Variants in SPAG16 observed in about 807,000 individuals in gnomAD.
SPAG16 encodes the protein sperm-associated antigen 16 protein.
In SPAG16, 86 loss-of-function variants were observed where a neutral mutation model predicts 80.4. The observed-to-expected ratio is 1.07, with a 90% confidence interval of 0.90 to 1.28. The LOEUF (loss-of-function observed/expected upper bound fraction) is 1.28, where lower values mean the gene tolerates loss of function less well. Ranked by LOEUF, SPAG16 falls within the 50% of genes most tolerant of loss-of-function variation. The pLI is 0.00. For missense variants in SPAG16, 870 were observed against 765.3 expected (o/e 1.14, Z -1.61); for synonymous variants, 294 against 265.9 (o/e 1.11, Z -1.03).
intron 8 of SPAG16, among the ~76,000 whole-genome samples, chr2:213,367,375 T>C (rs139239504): frequency 0.2 from 29,798 of 152,000 alleles, 3,873 homozygotes; most frequent in Non-Finnish European, 0.3. Flanking sequence ...CTGTCTTTCA[T>C]AATGGCTGAA....
intron 14 of SPAG16, among the ~76,000 whole-genome samples, chr2:214,130,689 C>T (rs1056289333): frequency 2.6e-5 from 4 of 152,114 alleles, no homozygotes; most frequent in South Asian, 2.1e-4. Flanking sequence ...CAAGTCACAT[C>T]GGCAGAAAAC....
intron 15 of SPAG16, among the ~76,000 whole-genome samples, chr2:214,245,367 C>T (rs1689765803): frequency 6.6e-6 from 1 of 152,150 alleles, no homozygotes; most frequent in East Asian, 1.9e-4. Flanking sequence ...TTCCATTAAA[C>T]TGCCTTCTGC....
chr2:214,029,808 A>G (rs982560731), intron 13 of SPAG16, among the ~76,000 whole-genome samples: 2 of 152,172 alleles, frequency 1.3e-5, no homozygotes, highest in African/African-American at 2.4e-5. Flanking sequence ...TTTTGCTCTT[A>G]ACAGCTGTAT....
At chr2:213,509,620 G>A (rs1443548057) in intron 10 of SPAG16, among the ~76,000 whole-genome samples, 4 of 151,988 alleles carry the variant, frequency 2.6e-5, no homozygotes, top group Non-Finnish European at 4.4e-5. Flanking sequence ...TGAAACCAAC[G>A]AGAACAAAGA....
chr2:213,933,539 A>T (rs748298257), intron 12 of SPAG16, among the ~76,000 whole-genome samples: 3 of 152,206 alleles, frequency 2.0e-5, no homozygotes, highest in Non-Finnish European at 4.4e-5. Context: ...GTGCCTGCTT[A>T]GCTTGTAGCT....
chr2:214,143,992 T>TA (rs962276726), intron 14 of SPAG16, among the ~76,000 whole-genome samples: 23 of 151,802 alleles, frequency 1.5e-4, no homozygotes, highest in Non-Finnish European at 2.6e-4. Flanking sequence ...ACCCTGTCTA[T>TA]AAAAAAAATT....
chr2:214,101,592 G>A (rs2053036248), intron 13 of SPAG16, among the ~76,000 whole-genome samples: 1 of 152,092 alleles, frequency 6.6e-6, no homozygotes, highest in Admixed American at 6.6e-5. Flanking sequence ...GTTAGGAGGT[G>A]CGTATCTACC....
intron 4 of SPAG16, among the ~76,000 whole-genome samples, chr2:213,313,877 G>T (rs899982623): frequency 6.6e-6 from 1 of 151,782 alleles, no homozygotes; most frequent in African/African-American, 2.4e-5. Flanking sequence ...TTTTGTCTGT[G>T]TTGGTAATGT....
At chr2:213,484,111 T>TCA (rs1287168696) in intron 9 of SPAG16, among the ~76,000 whole-genome samples, 2 of 152,086 alleles carry the variant, frequency 1.3e-5, no homozygotes, top group Admixed American at 6.6e-5. Flanking sequence ...CTTATATGAG[T>TCA]CAAAGTTAAA....
At chr2:213,336,444 T>A (rs968695599) in intron 5 of SPAG16, among the ~76,000 whole-genome samples, 1 of 152,222 alleles carries the variant, frequency 6.6e-6, no homozygotes, top group Admixed American at 6.5e-5. Flanking sequence ...TTGGAATCCC[T>A]GCCAGCCAAC....
intron 10 of SPAG16, among the ~76,000 whole-genome samples, chr2:213,590,540 A>G (rs2060649373): frequency 6.6e-6 from 1 of 152,212 alleles, no homozygotes; most frequent in African/African-American, 2.4e-5. Context: ...CAAGGAACTT[A>G]TGAAACACTA....
chr2:214,061,655 T>C (rs964306823), intron 13 of SPAG16, among the ~76,000 whole-genome samples: 2 of 152,138 alleles, frequency 1.3e-5, no homozygotes, highest in East Asian at 1.9e-4. Flanking sequence ...CAGCTACTGA[T>C]TGCATCTAAA....
chr2:213,744,223 C>T (rs2125464053), intron 10 of SPAG16, among the ~76,000 whole-genome samples: 1 of 152,178 alleles, frequency 6.6e-6, no homozygotes, highest in Non-Finnish European at 1.5e-5. Context: ...TTTTCAGCTT[C>T]CTTGGGTTGT....
At chr2:214,121,324 C>T (rs10932524) in intron 14 of SPAG16, among the ~76,000 whole-genome samples, 33,475 of 151,644 alleles carry the variant, frequency 0.22, 4,130 homozygotes, top group Non-Finnish European at 0.28. Flanking sequence ...CCAAATTCTG[C>T]GGATGCTTAG....
intron 15 of SPAG16, among the ~76,000 whole-genome samples, chr2:214,332,500 T>C (rs535710890): frequency 2.0e-5 from 3 of 152,290 alleles, no homozygotes; most frequent in Non-Finnish European, 1.5e-5. Flanking sequence ...AGATGCTCTC[T>C]TGAAGACATT....
chr2:213,340,120 A>G (rs1403041726), intron 5 of SPAG16, 43 bp from the exon 6 acceptor site: 2 of 1,369,726 alleles, frequency 1.5e-6, no homozygotes, highest in African/African-American at 2.9e-5. Context: ...ATTTTTCGAA[A>G]AAGAATTAGC....
At chr2:214,319,639 T>C (rs1695962649) in intron 15 of SPAG16, among the ~76,000 whole-genome samples, 1 of 152,164 alleles carries the variant, frequency 6.6e-6, no homozygotes, top group Non-Finnish European at 1.5e-5. Flanking sequence ...ATTATTTTTT[T>C]AAAGGAGCAT....
intron 10 of SPAG16, among the ~76,000 whole-genome samples, chr2:213,525,837 A>C (rs2075868264): frequency 6.6e-6 from 1 of 152,160 alleles, no homozygotes; most frequent in Non-Finnish European, 1.5e-5. Context: ...GGGTAGATAC[A>C]GATGTAGATA....
At chr2:214,240,617 T>G (rs1192998498) in intron 15 of SPAG16, 3 of 152,226 alleles carry the variant, frequency 2.0e-5, no homozygotes, top group Non-Finnish European at 4.4e-5. Context: ...CTTCTATAAA[T>G]TCTCTAAAGA....
Sources: allele counts gnomAD v4.1 joint callset (sites outside exome capture counted in the v4.1 genomes callset), GRCh38; gene constraint gnomAD v4.1.1; transcripts MANE v1.5; gene names NCBI Gene and HGNC (gene_info 2026-07-23, HGNC 2026-07-21).